ATP2C1: variants seen among roughly 807,000 people sequenced by gnomAD.
The protein encoded by ATP2C1 is calcium-transporting ATPase type 2C member 1.
In ATP2C1, 31 loss-of-function variants were observed where a neutral mutation model predicts 120.5. That is an observed-to-expected ratio of 0.26 (90% CI 0.19 to 0.35). The LOEUF is 0.35. Among genes scored for constraint, ATP2C1 ranks in the 10% least tolerant of loss-of-function variants. The pLI, the probability that ATP2C1 is intolerant of heterozygous loss-of-function variation, is 1.00. For missense variants in ATP2C1, 731 were observed against 1,107.5 expected (o/e 0.66, Z 4.83); for synonymous variants, 351 against 358.7 (o/e 0.98, Z 0.24).
At position 130,979,209 on chromosome 3, in the gene ATP2C1, AC is replaced by A. The variant is rs1292635797; in HGVS notation, c.1571-39del. ...CTAAATTCTGATGTTTTCATGACTC[AC>A]TTTTTTTTGTTGTTGTTTGGATTTT... On this transcript the variant is annotated intron_variant, in intron 18 of 27. Coordinates refer to ENST00000510168, the MANE Select transcript of ATP2C1 (RefSeq NM_001378687.1). 3 of 1,604,106 alleles carry A rather than the reference AC, an allele frequency of 1.9e-6. No homozygotes were observed. The African/African-American group carries it at 4.0e-5, about 22-fold the overall frequency.
At position 130,956,117 on chromosome 3, in the gene ATP2C1, C is replaced by T. The variant is rs1180551569; in HGVS notation, c.770C>T (p.Pro257Leu). 6.2e-7 allele frequency: 1 copy of T among 1,609,918 alleles called. No individual in the cohort carries two copies. The highest frequency in any genetic ancestry group is 1.7e-5 in the Admixed American group (1 of 59,966). Reference protein sequence around the residue: ...MMQAEEAPKTPLQKSMDLLGK... With the variant: ...MMQAEEAPKTLLQKSMDLLGK... ...CAATTTATCAAGGCACCAAAAACCC[C>T]TCTGCAGAAGAGCATGGACCTCTTA... Residue 257 changes from proline to leucine, a missense_variant, in exon 11 of 28, where the codon CCT (proline) becomes CTT (leucine). Physicochemically the swap from Pro to Leu is moderately conservative, Grantham distance 98 (BLOSUM62 -3). Coordinates refer to ENST00000510168, the MANE Select transcript of ATP2C1 (RefSeq NM_001378687.1).
intron 1 of ATP2C1, among the ~76,000 whole-genome samples, chr3:130,867,372 T>C (rs2685191): frequency 0.28 from 41,510 of 146,942 alleles, 5,976 homozygotes; most frequent in Non-Finnish European, 0.32. Context: ...CAAAGCTGGA[T>C]GGTACTGCTG....
chr3:130,954,157 C>T (rs990562491), intron 9 of ATP2C1, among the ~76,000 whole-genome samples, 181 bp downstream of exon 9: 24 of 152,180 alleles, frequency 1.6e-4, no homozygotes, highest in East Asian at 5.8e-4. Context: ...ATAATATTTC[C>T]GTAGTTCTGC....
intron 18 of ATP2C1, among the ~76,000 whole-genome samples, chr3:130,978,329 G>T (rs777625685): frequency 6.6e-6 from 1 of 151,936 alleles, no homozygotes; most frequent in Non-Finnish European, 1.5e-5. Context: ...ACGAAGAATG[G>T]ATAGTTTCTT....
At chr3:130,980,733 A>G (rs1422605650) in intron 20 of ATP2C1, 54 bp downstream of exon 20, 2 of 1,242,866 alleles carry the variant, frequency 1.6e-6, no homozygotes, top group East Asian at 4.7e-5. Flanking sequence ...AAGTGTTACC[A>G]TTTCTACTAC....
intron 17 of ATP2C1, among the ~76,000 whole-genome samples, chr3:130,973,101 A>G (rs2061402631): frequency 6.6e-6 from 1 of 152,210 alleles, no homozygotes. Context: ...AGATCCAGTA[A>G]TTACCCCATA....
intron 1 of ATP2C1, among the ~76,000 whole-genome samples, chr3:130,862,856 ACT>A (rs2107727237): frequency 6.6e-6 from 1 of 152,354 alleles, no homozygotes; most frequent in South Asian, 2.1e-4. Context: ...ACCTATGGCC[ACT>A]TCAGTGCTAC....
rs1577033598 is a variant in ATP2C1 at position 130,995,966 on chromosome 3, G to T, written c.2058-77G>T. On this transcript the variant is annotated intron_variant, in intron 22 of 27. Coordinates refer to ENST00000510168, the MANE Select transcript of ATP2C1 (RefSeq NM_001378687.1). ...GGTTGGAAATTTATTTTCAAAATTA[G>T]CTCTACAGTGTTTTAGTATAGATAC... 4.1e-6 allele frequency: 4 copies of T among 977,918 alleles called. No individual in the cohort carries two copies. The East Asian group carries it at 7.2e-5, about 18-fold the overall frequency. The allele number at this position is 977,918 out of a possible 1,614,324, so 60.6% of individuals were successfully genotyped here. A position where few individuals can be genotyped will look rare whatever the true frequency, so the allele number is the denominator to read the frequency against.
chr3:130,912,371 T>C (rs1205793125), intron 2 of ATP2C1, among the ~76,000 whole-genome samples: 1 of 151,434 alleles, frequency 6.6e-6, no homozygotes, highest in Non-Finnish European at 1.5e-5. Context: ...AGGGCAAATA[T>C]CCAGAATCTA....
intron 8 of ATP2C1, among the ~76,000 whole-genome samples, chr3:130,946,889 T>C (rs2060175358): frequency 6.6e-6 from 1 of 152,254 alleles, no homozygotes; most frequent in Non-Finnish European, 1.5e-5. Context: ...ATTTTCGCCA[T>C]TTAGCACATA....
At chr3:130,949,599 A>G (rs898831155) in intron 8 of ATP2C1, among the ~76,000 whole-genome samples, 1 of 152,138 alleles carries the variant, frequency 6.6e-6, no homozygotes, top group Non-Finnish European at 1.5e-5. Flanking sequence ...TGTACCGAAC[A>G]TTTTCAATGT....
chr3:130,875,497 T>C (rs2068571759), intron 1 of ATP2C1, among the ~76,000 whole-genome samples: 1 of 152,232 alleles, frequency 6.6e-6, no homozygotes, highest in South Asian at 2.1e-4. Context: ...ATTGTGTATA[T>C]ATACCACATT....
intron 7 of ATP2C1, 73 bp downstream of exon 7, chr3:130,940,764 A>G (rs1194142308): frequency 9.0e-7 from 1 of 1,115,950 alleles, no homozygotes; most frequent in African/African-American, 1.5e-5. Flanking sequence ...TACCGTACAT[A>G]TTGTTATCCC....
intron 2 of ATP2C1, among the ~76,000 whole-genome samples, chr3:130,896,756 C>T (rs758089167): frequency 2.0e-5 from 3 of 152,144 alleles, no homozygotes; most frequent in Non-Finnish European, 2.9e-5. Context: ...TGTATTTCTT[C>T]ATCTATAAAT....
intron 20 of ATP2C1, 79 bp from the exon 21 acceptor site, chr3:130,992,872 A>C: frequency 8.6e-7 from 1 of 1,164,716 alleles, no homozygotes; most frequent in Non-Finnish European, 1.3e-6. Context: ...TGAGTTTTTC[A>C]TCATTAGTTA....
Position 130,932,006 on chromosome 3 carries a change from G to T in ATP2C1, c.118-16G>T. 6.7e-7 allele frequency: 1 copy of T among 1,492,748 alleles called. No homozygotes were observed. Among genetic ancestry groups the T allele is most frequent in the Non-Finnish European group, 9.4e-7 (1 of 1,069,450 alleles). 92.5% of individuals were successfully genotyped at this position (1,492,748 alleles called of 1,614,324 possible). On this transcript the variant is annotated splice_polypyrimidine_tract_variant and intron_variant, in intron 3 of 27. Transcript: ENST00000510168. Reference sequence around the variant, plus strand: ...TGCTAACATTTTCAATAACTTTCATGTATAAACTCTAATAGGCTGATCTTC... The same window carrying T: ...TGCTAACATTTTCAATAACTTTCATTTATAAACTCTAATAGGCTGATCTTC...
intron 19 of ATP2C1, 74 bp downstream of exon 19, chr3:130,979,493 T>C: frequency 3.5e-6 from 5 of 1,427,572 alleles, no homozygotes; most frequent in South Asian, 1.2e-5. Context: ...TTGTGAACTA[T>C]TAGTTATGAA....
Position 130,964,040 on chromosome 3 carries a change from G to C in ATP2C1, c.969G>C (p.Met323Ile), listed in dbSNP as rs763433370. The C allele has an allele frequency of 1.9e-6, 3 of 1,612,624 alleles. No individual in the cohort carries two copies. The highest frequency in any genetic ancestry group is 8.5e-7 in the Non-Finnish European group (1 of 1,178,982). Reference sequence around the variant, plus strand: ...CAGTGACGCTAGCTCTTGGTGTTATGAGAATGGTGAAGAAAAGGGCCATTG... The same window carrying C: ...CAGTGACGCTAGCTCTTGGTGTTATCAGAATGGTGAAGAAAAGGGCCATTG... Reference protein sequence around the residue: ...VVTVTLALGVMRMVKKRAIVK... With the variant: ...VVTVTLALGVIRMVKKRAIVK... The change falls in exon 13 of 28, where the codon ATG (methionine) becomes ATC (isoleucine). Residue 323 changes from methionine (M) to isoleucine (I), a missense_variant. By Grantham distance (10) the Met-to-Ile change is conservative. This residue lies in a region of ATP2C1 where 571 missense variants were observed against 845.9 expected (regional missense o/e 0.67). Coordinates refer to ENST00000510168, the MANE Select transcript of ATP2C1 (RefSeq NM_001378687.1).
intron 23 of ATP2C1, 36 bp from the exon 24 acceptor site, chr3:130,996,644 C>A (rs1010123754): frequency 1.5e-6 from 2 of 1,327,632 alleles, no homozygotes. Context: ...CAGATTTACT[C>A]TACTGATATT....
Sources: allele counts gnomAD v4.1 joint callset (sites outside exome capture counted in the v4.1 genomes callset), GRCh38; gene constraint gnomAD v4.1.1; regional missense constraint gnomAD v4.1.1; transcripts MANE v1.5; gene names NCBI Gene and HGNC (gene_info 2026-07-23, HGNC 2026-07-21).